Variants in SLC25A10 observed in about 807,000 individuals in gnomAD.
SLC25A10 encodes the protein solute carrier family 25 member 10.
SLC25A10 carries 32 observed loss-of-function variants against 40.4 expected under a neutral mutation model. The ratio of observed to expected loss-of-function variants is 0.79; its 90% CI spans 0.60 to 1.06. SLC25A10 has a LOEUF of 1.06. Ranked by LOEUF, SLC25A10 falls within the 50% of genes least tolerant of loss-of-function variation. SLC25A10 has a pLI of 0.00. For synonymous variants in SLC25A10, 181 were observed against 171.1 expected (o/e 1.06, Z -0.45); for missense variants, 394 against 402.6 (o/e 0.98, Z 0.18).
At chr17:81,718,420 G>A (rs1357863182) in intron 9 of SLC25A10, among the ~76,000 whole-genome samples, 1 of 151,468 alleles carries the variant, frequency 6.6e-6, no homozygotes, top group Non-Finnish European at 1.5e-5. Context: ...GGGAGGCGGA[G>A]GTTGCAGTGA....
At chr17:81,718,963 CAAAA>C (rs1003528399) in intron 9 of SLC25A10, among the ~76,000 whole-genome samples, 1 of 148,134 alleles carries the variant, frequency 6.8e-6, no homozygotes, top group Non-Finnish European at 1.5e-5. Flanking sequence ...AAACAAAAAA[CAAAA>C]AAAAACACAT....
Position 81,715,605 on chromosome 17 carries a change from G to T in SLC25A10, c.328+13G>T, listed in dbSNP as rs770040317. ...GGCTCCGTCAGCGGTGAGCTGCCGGGCGGGAGGGGGAGGGGCGCGGGGTGG... is the reference window on the plus strand; with the variant it reads ...GGCTCCGTCAGCGGTGAGCTGCCGGTCGGGAGGGGGAGGGGCGCGGGGTGG... On this transcript the variant is annotated intron_variant, in intron 3 of 10. Transcript: ENST00000350690. 12 of 1,611,970 alleles carry T rather than the reference G, an allele frequency of 7.4e-6. No individual in the cohort carries two copies. The highest frequency in any genetic ancestry group is 5.5e-5 in the South Asian group (5 of 91,044).
Position 81,715,612 on chromosome 17 carries a change from G to C in SLC25A10, c.328+20G>C, listed in dbSNP as rs1188964007. On this transcript the variant is annotated intron_variant, in intron 3 of 10. Coordinates refer to ENST00000350690, the MANE Select transcript of SLC25A10 (RefSeq NM_012140.5). ...TCAGCGGTGAGCTGCCGGGCGGGAGGGGGAGGGGCGCGGGGTGGTCAGGTC... is the reference window on the plus strand; with the variant it reads ...TCAGCGGTGAGCTGCCGGGCGGGAGCGGGAGGGGCGCGGGGTGGTCAGGTC... 1.2e-6 allele frequency: 2 copies of C among 1,611,826 alleles called. No homozygotes were observed. The highest frequency in any genetic ancestry group is 1.7e-5 in the Admixed American group (1 of 60,010).
rs1038120460 is a variant in SLC25A10, at chr17:81,715,201, C to G, written c.213+129C>G. 5.1e-6 allele frequency: 7 copies of G among 1,371,472 alleles called. No homozygotes were observed. In the Admixed American group the frequency reaches 6.7e-5, roughly 13 times the overall value. 85.0% of individuals were successfully genotyped at this position (1,371,472 alleles called of 1,614,324 possible). On this transcript the variant is annotated intron_variant, in intron 2 of 10. Transcript: ENST00000350690. Reference sequence around the variant, plus strand: ...CCCACCAGGCCGAGAGCTGGTGACCCCAGGGTGCGCCTCCCATGGGCACCC... The same window carrying G: ...CCCACCAGGCCGAGAGCTGGTGACCGCAGGGTGCGCCTCCCATGGGCACCC...
At chr17:81,717,592 C>A in intron 8 of SLC25A10, 101 bp downstream of exon 8, 1 of 1,425,020 alleles carries the variant, frequency 7.0e-7, no homozygotes, top group Non-Finnish European at 9.9e-7. Flanking sequence ...GGGCCTTGGG[C>A]ATCTGGCAGT....
chr17:81,719,924 G>A (rs978422445), intron 10 of SLC25A10, 37 bp downstream of exon 10: 2 of 1,613,482 alleles, frequency 1.2e-6, no homozygotes, highest in Non-Finnish European at 1.7e-6. Flanking sequence ...TGGGCAATGG[G>A]GAGCGGGCCC....
At position 81,717,844 on chromosome 17, in the gene SLC25A10, TC is replaced by T; in HGVS notation, c.690del (p.Lys231ArgfsTer109). 1 of 1,610,290 alleles carries T rather than the reference TC, an allele frequency of 6.2e-7. No individual in the cohort carries two copies. The highest frequency in any genetic ancestry group is 8.5e-7 in the Non-Finnish European group (1 of 1,178,952). ...TGTGCTGAAGACTCGCCTGATGAAC[TC>T]CAAGGGGGAGTATCAGGTGAGTGGG... ...LDVLKTRLMN[S>X]KGEYQGVFHC... On this transcript the variant is annotated frameshift_variant, in exon 9 of 11. Coordinates refer to ENST00000350690, the MANE Select transcript of SLC25A10 (RefSeq NM_012140.5). LOFTEE classifies it high-confidence loss of function.
chr17:81,718,725 A>G (rs1458850994), intron 9 of SLC25A10, among the ~76,000 whole-genome samples: 1 of 151,498 alleles, frequency 6.6e-6, no homozygotes, highest in African/African-American at 2.4e-5. Flanking sequence ...CAAGGCGGGC[A>G]GATCACAAGT....
intron 8 of SLC25A10, 39 bp from the exon 9 acceptor site, chr17:81,717,745 C>A (rs562415428): frequency 6.3e-7 from 1 of 1,596,034 alleles, no homozygotes; most frequent in Non-Finnish European, 8.5e-7. Flanking sequence ...TGGTGCCTGG[C>A]GTACCTGACA....
At position 81,716,200 on chromosome 17, in the gene SLC25A10, C is replaced by G. The variant is rs951087486; in HGVS notation, c.419+150C>G. 19 of 815,642 alleles carry G rather than the reference C, an allele frequency of 2.3e-5. No individual in the cohort carries two copies. In the African/African-American group the frequency reaches 3.0e-4, roughly 13 times the overall value. 50.5% of individuals were successfully genotyped at this position (815,642 alleles called of 1,614,324 possible). A position where few individuals can be genotyped will look rare whatever the true frequency, so the allele number is the denominator to read the frequency against. On this transcript the variant is annotated intron_variant, in intron 5 of 10. Transcript: ENST00000350690. The stretch of plus-strand genomic sequence containing the variant: ...GGAGGGTCCTGACGGCTGTTCTGGA[C>G]TCGGGGGTGTCACTCTGCGCCCCCA...
intron 9 of SLC25A10, 119 bp downstream of exon 9, chr17:81,717,980 C>G (rs1178360260): frequency 1.4e-6 from 1 of 733,522 alleles, no homozygotes; most frequent in African/African-American, 1.7e-5. Context: ...TTCTAGTTGC[C>G]TGTCTCTGCA....
rs1002531542 is a variant in SLC25A10, at chr17:81,712,335, G to C, written c.-92G>C. The C allele has an allele frequency of 2.3e-6, 2 of 871,314 alleles. No homozygotes were observed. Among genetic ancestry groups the C allele is most frequent in the East Asian group, 8.1e-5 (2 of 24,566 alleles). The allele number at this position is 871,314 out of a possible 1,614,324, so 54.0% of individuals were successfully genotyped here. A position where few individuals can be genotyped will look rare whatever the true frequency, so the allele number is the denominator to read the frequency against. ...GCGGGCGGCGCTTTGAACCGGGCGCGGGGCGCGGGGCGCGGGGCGCTGCGG... is the reference window on the plus strand; with the variant it reads ...GCGGGCGGCGCTTTGAACCGGGCGCCGGGCGCGGGGCGCGGGGCGCTGCGG... On this transcript the variant is annotated 5_prime_UTR_variant, in exon 1 of 11. Transcript: ENST00000350690.
At chr17:81,717,245 G>A (rs1245137883) in intron 7 of SLC25A10, among the ~76,000 whole-genome samples, 154 bp from the exon 8 acceptor site, 1 of 152,202 alleles carries the variant, frequency 6.6e-6, no homozygotes, top group Admixed American at 6.5e-5. Context: ...AGCCTGTGAA[G>A]GACCTCGGGC....
At position 81,716,038 on chromosome 17, in the gene SLC25A10, G is replaced by A. The variant is rs1172580454; in HGVS notation, c.407G>A (p.Gly136Asp). ...RMQNDVKLPQ[G>D]QRRNYAHALD... ...CAGAACGACGTGAAGCTGCCCCAGG[G>A]TCAGCGGCGCAAGTGAGTCATGGGC... is the stretch of plus-strand genomic sequence containing the variant. Residue 136 changes from glycine (G) to aspartate (D), a missense_variant, in exon 5 of 11, where the codon GGT becomes GAT. Coordinates refer to ENST00000350690, the MANE Select transcript of SLC25A10 (RefSeq NM_012140.5). The A allele has an allele frequency of 6.3e-7, 1 of 1,598,348 alleles. No homozygotes were observed. The highest frequency in any genetic ancestry group is 1.7e-5 in the Admixed American group (1 of 57,806).
chr17:81,717,021 C>A lies in SLC25A10; in HGVS notation c.483C>A (p.Phe161Leu). 2 of 1,613,758 alleles carry A rather than the reference C, an allele frequency of 1.2e-6. No individual in the cohort carries two copies. The highest frequency in any genetic ancestry group is 2.2e-5 in the South Asian group (2 of 91,082). ...GTGCAGAGGGTCTCAGGAGACTGTTCTCGGGTGCAACCATGGCATCCAGCC... is the reference window on the plus strand; with the variant it reads ...GTGCAGAGGGTCTCAGGAGACTGTTATCGGGTGCAACCATGGCATCCAGCC... ...VAREEGLRRLFSGATMASSRG... is the reference protein window; with the variant it reads ...VAREEGLRRLLSGATMASSRG... The change falls in exon 7 of 11, where the codon TTC becomes TTA. Residue 161 changes from phenylalanine (F) to leucine (L), a missense_variant. Physicochemically the swap from Phe to Leu is conservative, Grantham distance 22. Coordinates refer to ENST00000350690, the MANE Select transcript of SLC25A10 (RefSeq NM_012140.5).
intron 2 of SLC25A10, 138 bp downstream of exon 2, chr17:81,715,210 G>A (rs1051847438): frequency 8.3e-6 from 11 of 1,318,758 alleles, no homozygotes; most frequent in African/African-American, 2.9e-5. Flanking sequence ...CCCAGGGTGC[G>A]CCTCCCATGG....
chr17:81,714,939 A>T lies in SLC25A10; in HGVS notation c.94-14A>T. 1 of 1,605,910 alleles carries T rather than the reference A, an allele frequency of 6.2e-7. No homozygotes were observed. The highest frequency in any genetic ancestry group is 1.1e-5 in the South Asian group (1 of 90,966). On this transcript the variant is annotated splice_polypyrimidine_tract_variant and intron_variant, in intron 1 of 10. Coordinates refer to ENST00000350690, the MANE Select transcript of SLC25A10 (RefSeq NM_012140.5). Reference sequence around the variant, plus strand: ...CGGGGTCGCTGTGGGGTCTGAGAGCACTCACTCCCGCAGGTGCATCTGCAG... The same window carrying T: ...CGGGGTCGCTGTGGGGTCTGAGAGCTCTCACTCCCGCAGGTGCATCTGCAG...
intron 4 of SLC25A10, 114 bp downstream of exon 4, chr17:81,715,855 C>A: frequency 6.8e-7 from 1 of 1,471,628 alleles, no homozygotes; most frequent in African/African-American, 1.4e-5. Flanking sequence ...GCCACTGAGA[C>A]CCTGGTGTCC....
At chr17:81,714,529 G>A (rs1339286133) in intron 1 of SLC25A10, among the ~76,000 whole-genome samples, 6 of 152,298 alleles carry the variant, frequency 3.9e-5, no homozygotes, top group Admixed American at 2.0e-4. Context: ...CTCCCTCGCC[G>A]TTTCTGAGCG....
Sources: gnomAD v4.1 joint callset for allele counts (sites outside exome capture counted in the v4.1 genomes callset) on GRCh38, gnomAD v4.1.1 for gene constraint, MANE v1.5 for transcripts, NCBI Gene and HGNC (gene_info 2026-07-23, HGNC 2026-07-21) for gene names.